NRIP1: variants seen among roughly 807,000 people sequenced by gnomAD.
NRIP1 encodes the protein nuclear receptor interacting protein 1.
A neutral mutation model predicts 75.0 loss-of-function variants in NRIP1; 28 were observed. The ratio of observed to expected loss-of-function variants is 0.37; its 90% CI spans 0.28 to 0.51. NRIP1 has a LOEUF of 0.51. Among genes scored for constraint, NRIP1 ranks in the 20% least tolerant of loss-of-function variants. The pLI, the probability that NRIP1 is intolerant of heterozygous loss-of-function variation, is 0.92. For missense variants in NRIP1, 1,435 were observed against 1,343.7 expected (o/e 1.07, Z -1.06); for synonymous variants, 526 against 487.6 (o/e 1.08, Z -1.04).
At chr21:14,997,959 G>T (rs1307274726) in intron 3 of NRIP1, among the ~76,000 whole-genome samples, 1 of 152,080 alleles carries the variant, frequency 6.6e-6, no homozygotes, top group Non-Finnish European at 1.5e-5. Flanking sequence ...TAATTGGAAG[G>T]AAAGGGTTAG....
At chr21:15,061,993 G>A (rs909677597) in intron 1 of NRIP1, among the ~76,000 whole-genome samples, 1 of 152,166 alleles carries the variant, frequency 6.6e-6, no homozygotes, top group Non-Finnish European at 1.5e-5. Context: ...TCAGATATGC[G>A]TTAATTCATT....
At position 14,967,964 on chromosome 21, in the gene NRIP1, C is replaced by T; in HGVS notation, c.229G>A (p.Gly77Ser). The T allele has an allele frequency of 6.2e-7, 1 of 1,613,966 alleles. No homozygotes were observed. Among genetic ancestry groups the T allele is most frequent in the Non-Finnish European group, 8.5e-7 (1 of 1,179,972 alleles). ...CTGGCTTTTTTGAGGTGCAGCATGC[C>T]AGACCCCTGATATGTATGTGTATTG... ...VLNTHTYQGS[G>S]MLHLKKARLL... The change falls in exon 4 of 4, where the codon GGC (glycine) becomes AGC (serine). Residue 77 changes from glycine to serine, a missense_variant. By Grantham distance (56) the Gly-to-Ser change is moderately conservative (BLOSUM62 0). Transcript: ENST00000318948.
In NRIP1 at chr21:14,966,321, C is replaced by G. The variant is rs985022955; in HGVS notation, c.1872G>C (p.Thr624=). Reference sequence around the variant, plus strand: ...TTTGTAACAGCTTACTGGCACTAAACGTTGCAGAGTTCTGTGCACCTTCAT... The same window carrying G: ...TTTGTAACAGCTTACTGGCACTAAAGGTTGCAGAGTTCTGTGCACCTTCAT... ...AQNEGAQNSA[T]FSASKLLQNL... is the part of the protein sequence containing the mutation. The change falls in exon 4 of 4, where the codon ACG becomes ACC. Residue 624 remains threonine (T), a synonymous_variant. Coordinates refer to ENST00000318948, the MANE Select transcript of NRIP1 (RefSeq NM_003489.4). 6.2e-7 allele frequency: 1 copy of G among 1,614,064 alleles called. No individual in the cohort carries two copies. The highest frequency in any genetic ancestry group is 8.5e-7 in the Non-Finnish European group (1 of 1,179,958).
chr21:14,996,957 A>G (rs1482457922), intron 3 of NRIP1, among the ~76,000 whole-genome samples: 5 of 152,108 alleles, frequency 3.3e-5, no homozygotes, highest in Admixed American at 2.6e-4. Context: ...TTTATTAAAA[A>G]TTATAAGTAC....
intron 2 of NRIP1, among the ~76,000 whole-genome samples, chr21:15,018,094 AAAG>A (rs1187488535): frequency 1.3e-5 from 2 of 152,232 alleles, no homozygotes; most frequent in African/African-American, 2.4e-5. Context: ...AATCATGACA[AAAG>A]AAGCATGTCT....
chr21:14,975,225 C>T (rs1195751267), intron 3 of NRIP1, among the ~76,000 whole-genome samples: 15 of 151,786 alleles, frequency 9.9e-5, no homozygotes, highest in Non-Finnish European at 1.5e-5. Context: ...CATAATCATT[C>T]ACATGTAAAG....
At chr21:15,036,133 T>C (rs2088827693) in intron 2 of NRIP1, among the ~76,000 whole-genome samples, 1 of 152,188 alleles carries the variant, frequency 6.6e-6, no homozygotes, top group African/African-American at 2.4e-5. Context: ...GTGATATGAA[T>C]AAAGCCAGAA....
chr21:15,003,683 G>C (rs1225727640), intron 3 of NRIP1, among the ~76,000 whole-genome samples: 1 of 152,190 alleles, frequency 6.6e-6, no homozygotes, highest in Non-Finnish European at 1.5e-5. Flanking sequence ...GAGGAGGCAG[G>C]CTTGCTACAA....
chr21:14,976,117 T>G (rs2087059454), intron 3 of NRIP1, among the ~76,000 whole-genome samples: 1 of 152,176 alleles, frequency 6.6e-6, no homozygotes, highest in African/African-American at 2.4e-5. Context: ...ATAAAATTCA[T>G]GTCCAACTAC....
chr21:15,015,397 CT>C (rs1414667408), intron 2 of NRIP1, among the ~76,000 whole-genome samples: 2 of 151,964 alleles, frequency 1.3e-5, no homozygotes, highest in Non-Finnish European at 2.9e-5. Flanking sequence ...TCAATTATAC[CT>C]CGATAAAACT....
intron 2 of NRIP1, among the ~76,000 whole-genome samples, chr21:15,034,734 G>A (rs2088793876): frequency 6.6e-6 from 1 of 151,912 alleles, no homozygotes; most frequent in Non-Finnish European, 1.5e-5. Flanking sequence ...GTTCAAACTT[G>A]AAAGGAATCC....
rs777000096 is a variant in NRIP1 at position 14,967,954 on chromosome 21, T to C, written c.239A>G (p.His80Arg). 6.2e-7 allele frequency: 1 copy of C among 1,614,058 alleles called. No individual in the cohort carries two copies. Among genetic ancestry groups the C allele is most frequent in the South Asian group, 1.1e-5 (1 of 91,074 alleles). Residue 80 changes from histidine to arginine, a missense_variant, in exon 4 of 4, where the codon CAC (histidine) becomes CGC (arginine). His to Arg is a conservative substitution (Grantham distance 29). Coordinates refer to ENST00000318948, the MANE Select transcript of NRIP1 (RefSeq NM_003489.4). ...THTYQGSGML[H>R]LKKARLLQSS... is the part of the protein sequence containing the mutation. ...CTGCAACAGTCTGGCTTTTTTGAGG[T>C]GCAGCATGCCAGACCCCTGATATGT...
rs2086634701 is a variant in NRIP1, at chr21:14,963,167, TTTTA to T, written c.*1545_*1548del. ...GTCACGTATATGTGCCCTTTGTACT[TTTTA>T]TTTAGTCAATCTGAGTTTAGTGCCC... On this transcript the variant is annotated 3_prime_UTR_variant, in exon 4 of 4. Coordinates refer to ENST00000318948, the MANE Select transcript of NRIP1 (RefSeq NM_003489.4). 1 of 152,490 alleles carries T rather than the reference TTTTA, an allele frequency of 6.6e-6. No individual in the cohort carries two copies. The highest frequency in any genetic ancestry group is 1.5e-5 in the Non-Finnish European group (1 of 67,954). 9.4% of individuals were successfully genotyped at this position (152,490 alleles called of 1,614,324 possible).
At chr21:15,038,733 T>G (rs1014733932) in intron 2 of NRIP1, among the ~76,000 whole-genome samples, 2 of 152,088 alleles carry the variant, frequency 1.3e-5, no homozygotes, top group Admixed American at 6.5e-5. Context: ...TGTTTTCATT[T>G]CCTTTAAATA....
chr21:15,053,249 T>A (rs1246507638), intron 1 of NRIP1, among the ~76,000 whole-genome samples: 2 of 152,198 alleles, frequency 1.3e-5, no homozygotes, highest in Non-Finnish European at 2.9e-5. Context: ...TCACAGTGAA[T>A]GTGTTTGTGT....
chr21:15,044,562 C>T (rs2089030041), intron 1 of NRIP1, among the ~76,000 whole-genome samples: 1 of 152,042 alleles, frequency 6.6e-6, no homozygotes, highest in African/African-American at 2.4e-5. Context: ...AGCCACGCCA[C>T]TTAGATCTGA....
chr21:14,984,865 A>G (rs1191725106), intron 3 of NRIP1, among the ~76,000 whole-genome samples: 2 of 152,244 alleles, frequency 1.3e-5, no homozygotes, highest in South Asian at 2.1e-4. Flanking sequence ...GAAGGTTCAG[A>G]GGATCATTAG....
Position 14,985,631 on chromosome 21 carries a change from AGAT to A in NRIP1, c.-334-17108_-334-17106del, listed in dbSNP as rs546706583. Among the ~76,000 whole-genome samples the A allele has an allele frequency of 7.9e-5, 12 of 152,302 alleles. No homozygotes were observed. In the South Asian group the frequency reaches 2.3e-3, roughly 29 times the overall value. On this transcript the variant is annotated intron_variant, in intron 3 of 3. Coordinates refer to ENST00000318948, the MANE Select transcript of NRIP1 (RefSeq NM_003489.4). ...TTTAGAGTATTTTAAAGTTTTTGTA[AGAT>A]GATCTTTATTTTACCACTTGTTTAT...
chr21:14,971,873 A>T (rs533798203), intron 3 of NRIP1, among the ~76,000 whole-genome samples: 1 of 152,346 alleles, frequency 6.6e-6, no homozygotes, highest in African/African-American at 2.4e-5. Flanking sequence ...ATAGATTTAA[A>T]AGGAAGATGA....
Sources: gnomAD v4.1 joint callset for allele counts (sites outside exome capture counted in the v4.1 genomes callset) on GRCh38, gnomAD v4.1.1 for gene constraint, MANE v1.5 for transcripts, NCBI Gene and HGNC (gene_info 2026-07-23, HGNC 2026-07-21) for gene names.